MITF: variants seen among roughly 807,000 people sequenced by gnomAD.
The protein encoded by MITF is melanocyte inducing transcription factor.
MITF carries 17 observed loss-of-function variants against 60.5 expected under a neutral mutation model. The observed-to-expected ratio is 0.28, with a 90% CI of 0.19 to 0.42. The LOEUF is 0.42. MITF is among the 10% of genes least tolerant of loss of function. MITF has a pLI of 1.00. For synonymous variants in MITF, 260 were observed against 248.5 expected (o/e 1.05, Z -0.43); for missense variants, 622 against 683.5 (o/e 0.91, Z 1.00).
Position 69,949,185 on chromosome 3 carries a change from T to C in MITF, c.880+17T>C. The C allele has an allele frequency of 6.4e-7, 1 of 1,553,172 alleles. No individual in the cohort carries two copies. The highest frequency in any genetic ancestry group is 1.1e-5 in the South Asian group (1 of 89,842). On this transcript the variant is annotated intron_variant, in intron 6 of 9. Transcript: ENST00000352241. ...AGCTCACAGGTAAACACCTAGTAAA[T>C]GTGCCTCTTACTGCAGATTTCTGTC...
chr3:69,908,281 A>G (rs764684243), intron 2 of MITF, among the ~76,000 whole-genome samples: 4 of 152,180 alleles, frequency 2.6e-5, no homozygotes, highest in Non-Finnish European at 4.4e-5. Context: ...CTGGTCTGCA[A>G]TGCAGTTGAA....
At chr3:69,879,820 T>C (rs927548503) in intron 2 of MITF, among the ~76,000 whole-genome samples, 1 of 152,198 alleles carries the variant, frequency 6.6e-6, no homozygotes, top group African/African-American at 2.4e-5. Context: ...AGAGAGCTCT[T>C]CACATATAAG....
intron 1 of MITF, among the ~76,000 whole-genome samples, chr3:69,794,049 G>A (rs1047587797): frequency 2.6e-5 from 4 of 152,198 alleles, no homozygotes; most frequent in African/African-American, 9.6e-5. Context: ...GCTATATGAA[G>A]TGTATAGGAG....
chr3:69,928,880 C>T (rs1022429533), intron 2 of MITF, among the ~76,000 whole-genome samples: 1 of 152,124 alleles, frequency 6.6e-6, no homozygotes, highest in Admixed American at 6.5e-5. Flanking sequence ...AGGCTTCCGG[C>T]CGGTCATTTG....
At chr3:69,872,349 C>A (rs1367736277) in intron 1 of MITF, among the ~76,000 whole-genome samples, 1 of 152,016 alleles carries the variant, frequency 6.6e-6, no homozygotes, top group Non-Finnish European at 1.5e-5. Flanking sequence ...TAAAAAAAAT[C>A]TGCTGATGAA....
intron 1 of MITF, among the ~76,000 whole-genome samples, chr3:69,784,826 G>A (rs983762118): frequency 1.3e-5 from 2 of 152,084 alleles, no homozygotes; most frequent in African/African-American, 4.8e-5. Flanking sequence ...GGAAAATGAT[G>A]ATCTAAGTGT....
chr3:69,792,299 T>C (rs1258379453), intron 1 of MITF, among the ~76,000 whole-genome samples: 2 of 152,176 alleles, frequency 1.3e-5, no homozygotes, highest in African/African-American at 2.4e-5. Context: ...ATCCATTAAA[T>C]TGGTCAACAG....
chr3:69,964,753 T>C (rs1280814557), intron 9 of MITF, 94 bp from the exon 10 acceptor site: 1 of 1,111,626 alleles, frequency 9.0e-7, no homozygotes, highest in East Asian at 2.4e-5. Context: ...ATGACGCGCA[T>C]CTACCATTAT....
intron 2 of MITF, among the ~76,000 whole-genome samples, chr3:69,936,413 G>C (rs1347411045): frequency 6.6e-6 from 1 of 151,978 alleles, no homozygotes; most frequent in East Asian, 1.9e-4. Context: ...ACTTAAAAAG[G>C]TTCTTTTATA....
At chr3:69,890,111 C>T (rs570467632) in intron 2 of MITF, among the ~76,000 whole-genome samples, 43 of 152,236 alleles carry the variant, frequency 2.8e-4, no homozygotes, top group African/African-American at 1.0e-3. Flanking sequence ...TACTGCCCGC[C>T]ACAAAGAAAA....
intron 2 of MITF, among the ~76,000 whole-genome samples, chr3:69,921,584 A>G (rs949930699): frequency 6.6e-6 from 1 of 152,222 alleles, no homozygotes; most frequent in Non-Finnish European, 1.5e-5. Flanking sequence ...TAGGCTATTT[A>G]CAGTGAAGAT....
At chr3:69,741,333 A>G (rs1462342844) in intron 1 of MITF, among the ~76,000 whole-genome samples, 3 of 152,232 alleles carry the variant, frequency 2.0e-5, no homozygotes, top group Admixed American at 2.0e-4. Flanking sequence ...TTACACGGCC[A>G]GAATGAGGGA....
intron 1 of MITF, among the ~76,000 whole-genome samples, chr3:69,829,827 C>T (rs1288139384): frequency 2.0e-5 from 3 of 152,092 alleles, no homozygotes; most frequent in Non-Finnish European, 4.4e-5. Flanking sequence ...AAGTAAGTCC[C>T]AGGTAACAAA....
intron 2 of MITF, among the ~76,000 whole-genome samples, chr3:69,880,930 T>C (rs1228887221): frequency 1.3e-5 from 2 of 152,068 alleles, no homozygotes; most frequent in East Asian, 1.9e-4. Flanking sequence ...TGTTAAAGAA[T>C]TTTTATTAAA....
rs2064628439 is a variant in MITF, at chr3:69,886,741, T to TA, written c.354+7364dup. ...AAGAACTGGATGTGTTTTTATTATA[T>TA]AAAAAAGACTTCCTGGCCACATTGA... is the stretch of plus-strand genomic sequence containing the variant. On this transcript the variant is annotated intron_variant, in intron 2 of 9. Coordinates refer to ENST00000352241, the MANE Select transcript of MITF (RefSeq NM_001354604.2). Among the ~76,000 whole-genome samples, 3 of 152,134 alleles carry TA rather than the reference T, an allele frequency of 2.0e-5. No homozygotes were observed. In the South Asian group the frequency reaches 6.2e-4, roughly 32 times the overall value.
chr3:69,759,969 G>A (rs1328151492), intron 1 of MITF, among the ~76,000 whole-genome samples: 2 of 152,008 alleles, frequency 1.3e-5, no homozygotes, highest in South Asian at 2.1e-4. Context: ...TAGTAGAGAC[G>A]GGGTTTCACC....
rs554575789 is a variant in MITF at position 69,864,711 on chromosome 3, T to TGGA, written c.105-14421_105-14420insAGG. 2.4e-3 allele frequency among the ~76,000 whole-genome samples: 368 copies of TGGA among 152,266 alleles called. 1 individual carries two copies. The highest frequency in any genetic ancestry group is 4.6e-3 in the Non-Finnish European group (310 of 68,010). On this transcript the variant is annotated intron_variant, in intron 1 of 9. Coordinates refer to ENST00000352241, the MANE Select transcript of MITF (RefSeq NM_001354604.2). ...TTTCCCTGGCCTACCAGATCCTTCA[T>TGGA]GGTCTGGTCCTGGTCACTGTGTAGG...
At chr3:69,833,933 G>C (rs1239369331) in intron 1 of MITF, among the ~76,000 whole-genome samples, 2 of 152,188 alleles carry the variant, frequency 1.3e-5, no homozygotes, top group African/African-American at 4.8e-5. Flanking sequence ...ATGCACTACT[G>C]TGCACCCAGT....
chr3:69,777,016 T>A (rs558535605), intron 1 of MITF, among the ~76,000 whole-genome samples: 1 of 152,342 alleles, frequency 6.6e-6, no homozygotes, highest in Admixed American at 6.5e-5. Context: ...AATGGAGCTG[T>A]TTCAGCAAAT....
Sources: gnomAD v4.1 joint callset for allele counts (sites outside exome capture counted in the v4.1 genomes callset) on GRCh38, gnomAD v4.1.1 for gene constraint, MANE v1.5 for transcripts, NCBI Gene and HGNC (gene_info 2026-07-23, HGNC 2026-07-21) for gene names.